The following GRM3 variants were observed in gnomAD, a reference collection of about 807,000 sequenced individuals.
GRM3 encodes the protein metabotropic glutamate receptor 3.
GRM3 carries 26 observed loss-of-function variants against 70.5 expected under a neutral mutation model. The observed-to-expected ratio is 0.37, with a 90% confidence interval of 0.27 to 0.51. The LOEUF (loss-of-function observed/expected upper bound fraction) is 0.51. Ranked by LOEUF, GRM3 falls within the 20% of genes least tolerant of loss-of-function variation. The pLI is 0.93. For missense variants in GRM3, 859 were observed against 1,123.8 expected, an observed-to-expected ratio of 0.76 and a Z score of 3.37; for synonymous variants, 443 against 434.9, an observed-to-expected ratio of 1.02 and a Z score of -0.23.
At chr7:86,817,608 G>A (rs922535486) in intron 3 of GRM3, among the ~76,000 whole-genome samples, 12 of 151,906 alleles carry the variant, frequency 7.9e-5, no homozygotes, top group Admixed American at 2.6e-4. Flanking sequence ...AAGGCTGAAG[G>A]TCAGTGCAAA....
At chr7:86,666,565 C>A (rs1794032280) in intron 1 of GRM3, among the ~76,000 whole-genome samples, 1 of 151,942 alleles carries the variant, frequency 6.6e-6, no homozygotes, top group Non-Finnish European at 1.5e-5. Context: ...CTTTTAAAGC[C>A]AGATGTTTTT....
intron 1 of GRM3, among the ~76,000 whole-genome samples, chr7:86,756,608 C>T (rs1021446065): frequency 6.6e-6 from 1 of 152,052 alleles, no homozygotes; most frequent in Admixed American, 6.6e-5. Flanking sequence ...ATATGTGCTG[C>T]TTTATTCTGA....
intron 1 of GRM3, among the ~76,000 whole-genome samples, chr7:86,730,223 C>G (rs903819492): frequency 2.6e-5 from 4 of 152,116 alleles, no homozygotes; most frequent in African/African-American, 9.7e-5. Flanking sequence ...GAGTTCAAGA[C>G]CAGCCTGGCC....
intron 1 of GRM3, among the ~76,000 whole-genome samples, chr7:86,646,323 A>C (rs1015644953): frequency 2.0e-5 from 3 of 152,190 alleles, no homozygotes; most frequent in African/African-American, 7.2e-5. Flanking sequence ...CACAATGGGT[A>C]GTGTTTTATA....
chr7:86,858,025 C>T (rs545678131), intron 5 of GRM3, among the ~76,000 whole-genome samples: 11 of 151,892 alleles, frequency 7.2e-5, no homozygotes, highest in South Asian at 4.2e-4. Flanking sequence ...GGCACAATCT[C>T]GGCTCATTAC....
At chr7:86,791,628 G>A (rs1401860542) in intron 3 of GRM3, among the ~76,000 whole-genome samples, 1 of 152,190 alleles carries the variant, frequency 6.6e-6, no homozygotes, top group African/African-American at 2.4e-5. Context: ...ATGTGCACGA[G>A]GACTCTGGGA....
At chr7:86,784,684 A>G (rs556124850) in intron 2 of GRM3, 1 of 152,332 alleles carries the variant, frequency 6.6e-6, no homozygotes, top group African/African-American at 2.4e-5. Context: ...TAAATAATAT[A>G]TTAGCCTTTA....
chr7:86,769,076 G>A (rs180923408), intron 2 of GRM3, among the ~76,000 whole-genome samples: 4 of 152,022 alleles, frequency 2.6e-5, no homozygotes, highest in Admixed American at 6.6e-5. Flanking sequence ...TTACACTAAC[G>A]AGGGAAACAT....
intron 1 of GRM3, among the ~76,000 whole-genome samples, chr7:86,699,495 C>T (rs1326882572): frequency 6.6e-6 from 1 of 152,004 alleles, no homozygotes; most frequent in African/African-American, 2.4e-5. Context: ...AGCAATTAAA[C>T]TTAACACTAG....
intron 1 of GRM3, among the ~76,000 whole-genome samples, chr7:86,685,919 A>AG: frequency 6.6e-6 from 1 of 151,822 alleles, no homozygotes; most frequent in East Asian, 1.9e-4. Flanking sequence ...AAAAAAAAAA[A>AG]AAAAAAATAC....
chr7:86,705,602 A>G (rs1795039314), intron 1 of GRM3, among the ~76,000 whole-genome samples: 1 of 152,114 alleles, frequency 6.6e-6, no homozygotes, highest in African/African-American at 2.4e-5. Flanking sequence ...GTATGCATAC[A>G]CTATAAAATC....
chr7:86,797,605 A>G (rs1797579446), intron 3 of GRM3, among the ~76,000 whole-genome samples: 1 of 152,232 alleles, frequency 6.6e-6, no homozygotes, highest in African/African-American at 2.4e-5. Context: ...GAGCATAAAA[A>G]TTTGGAAAAT....
At chr7:86,686,548 A>G (rs1288696809) in intron 1 of GRM3, among the ~76,000 whole-genome samples, 1 of 152,248 alleles carries the variant, frequency 6.6e-6, no homozygotes, top group African/African-American at 2.4e-5. Flanking sequence ...AAAAACTTCA[A>G]GCTTTGAGTT....
chr7:86,669,066 T>C (rs1794105583), intron 1 of GRM3, among the ~76,000 whole-genome samples: 1 of 152,154 alleles, frequency 6.6e-6, no homozygotes, highest in African/African-American at 2.4e-5. Context: ...CTCAAGACTT[T>C]AGCTGGTGAC....
At chr7:86,788,737 A>G (rs1018636450) in intron 3 of GRM3, among the ~76,000 whole-genome samples, 2 of 152,220 alleles carry the variant, frequency 1.3e-5, no homozygotes, top group African/African-American at 4.8e-5. Flanking sequence ...GGTATCTGCA[A>G]TGCACTTAAT....
At position 86,644,846 on chromosome 7, in the gene GRM3, G is replaced by T; in HGVS notation, c.-167G>T. 7.8e-7 allele frequency: 1 copy of T among 1,289,570 alleles called. No individual in the cohort carries two copies. Among genetic ancestry groups the T allele is most frequent in the Non-Finnish European group, 1.0e-6 (1 of 988,672 alleles). 79.9% of individuals were successfully genotyped at this position (1,289,570 alleles called of 1,614,324 possible). ...GCCGCTGCCACCGCGGTCAGCTCCAGTTCCTGCCAGGAGTTGTCGGTGCGA... is the reference window on the plus strand; with the variant it reads ...GCCGCTGCCACCGCGGTCAGCTCCATTTCCTGCCAGGAGTTGTCGGTGCGA... On this transcript the variant is annotated 5_prime_UTR_variant, in exon 1 of 6. Coordinates refer to ENST00000361669, the MANE Select transcript of GRM3 (RefSeq NM_000840.3).
At chr7:86,703,488 A>G (rs1017514322) in intron 1 of GRM3, among the ~76,000 whole-genome samples, 5 of 152,030 alleles carry the variant, frequency 3.3e-5, no homozygotes, top group African/African-American at 1.2e-4. Flanking sequence ...ATTCAAAGGT[A>G]ATTGAAACAC....
chr7:86,799,896 T>G (rs1054584996), intron 3 of GRM3, among the ~76,000 whole-genome samples: 1 of 152,202 alleles, frequency 6.6e-6, no homozygotes, highest in African/African-American at 2.4e-5. Flanking sequence ...CTTTTATATG[T>G]CTGTTGAGAT....
chr7:86,674,360 G>T (rs529559974), intron 1 of GRM3, among the ~76,000 whole-genome samples: 1 of 152,098 alleles, frequency 6.6e-6, no homozygotes, highest in Non-Finnish European at 1.5e-5. Flanking sequence ...AGATCCAAGA[G>T]AAAGAGAACA....
Sources: allele counts gnomAD v4.1 joint callset (sites outside exome capture counted in the v4.1 genomes callset), GRCh38; gene constraint gnomAD v4.1.1; transcripts MANE v1.5; gene names NCBI Gene and HGNC (gene_info 2026-07-23, HGNC 2026-07-21).